Variants in NRXN3 observed in about 807,000 individuals in gnomAD.
NRXN3 encodes neurexin III.
NRXN3 carries 32 observed loss-of-function variants against 137.6 expected under a neutral mutation model. The ratio of observed to expected loss-of-function variants is 0.23; its 90% CI spans 0.18 to 0.31. NRXN3 has a LOEUF of 0.31. Among genes scored for constraint, NRXN3 ranks in the 10% least tolerant of loss-of-function variants. The probability of loss-of-function intolerance (pLI) is 1.00; values close to 1 mark genes in which losing one functional copy is unlikely to be tolerated. For synonymous variants in NRXN3, 798 were observed against 784.5 expected, an observed-to-expected ratio of 1.02 and a Z score of -0.29; for missense variants, 1,574 against 2,062.5, an observed-to-expected ratio of 0.76 and a Z score of 4.59.
At chr14:78,950,745 C>G (rs1410090282) in intron 10 of NRXN3, among the ~76,000 whole-genome samples, 1 of 152,012 alleles carries the variant, frequency 6.6e-6, no homozygotes, top group Non-Finnish European at 1.5e-5. Context: ...ATAGTTGTGG[C>G]CTGAGGTATA....
intron 19 of NRXN3, among the ~76,000 whole-genome samples, chr14:79,705,889 G>A (rs905075613): frequency 1.3e-5 from 2 of 152,138 alleles, no homozygotes; most frequent in African/African-American, 4.8e-5. Flanking sequence ...GTTCTAGGAT[G>A]GCAAGATCTT....
intron 4 of NRXN3, among the ~76,000 whole-genome samples, chr14:78,625,198 T>C (rs2097445947): frequency 6.6e-6 from 1 of 152,218 alleles, no homozygotes; most frequent in Non-Finnish European, 1.5e-5. Flanking sequence ...AGTTTCCTTC[T>C]AGTTATGAAG....
intron 15 of NRXN3, among the ~76,000 whole-genome samples, chr14:79,277,125 G>A (rs2153435068): frequency 6.6e-6 from 1 of 152,306 alleles, no homozygotes; most frequent in Admixed American, 6.5e-5. Context: ...GAGGACCAGA[G>A]AGGGTCTCTG....
rs575450442 is a variant in NRXN3, at chr14:78,216,921, G to A, written c.-703-25470G>A. Among the ~76,000 whole-genome samples the A allele has an allele frequency of 1.4e-4, 22 of 152,222 alleles. No homozygotes were observed. In the South Asian group the frequency reaches 4.4e-3, roughly 30 times the overall value. ...ACATGGTTGTCTTCCCTGTGTCTCTGTGTCCACATCTCTCTATCCCTCTAA... is the reference window on the plus strand; with the variant it reads ...ACATGGTTGTCTTCCCTGTGTCTCTATGTCCACATCTCTCTATCCCTCTAA... On this transcript the variant is annotated intron_variant, in intron 1 of 20. Transcript: ENST00000335750.
chr14:79,157,984 G>C (rs2060409992), intron 15 of NRXN3, among the ~76,000 whole-genome samples: 1 of 151,676 alleles, frequency 6.6e-6, no homozygotes, highest in Admixed American at 6.6e-5. Flanking sequence ...GGATGAGAAG[G>C]GGATTGTGAT....
At chr14:79,149,326 A>ATT (rs556091046) in intron 15 of NRXN3, among the ~76,000 whole-genome samples, 29 of 144,294 alleles carry the variant, frequency 2.0e-4, no homozygotes, top group African/African-American at 7.0e-4. Context: ...GGATAGGGGG[A>ATT]TTTTTTTTTT....
In NRXN3 at chr14:79,740,712, T is replaced by TTATATA. The variant is rs869216055; in HGVS notation, c.4014+42826_4014+42831dup. Among the ~76,000 whole-genome samples the TTATATA allele has an allele frequency of 7.2e-3, 114 of 15,920 alleles. 2 individuals are homozygous for TTATATA. Among genetic ancestry groups the TTATATA allele is most frequent in the South Asian group, 0.016 (9 of 580 alleles). 10.4% of individuals were successfully genotyped at this position (15,920 alleles called of 152,430 possible). A position where few individuals can be genotyped will look rare whatever the true frequency, so the allele number is the denominator to read the frequency against. On this transcript the variant is annotated intron_variant, in intron 19 of 20. Coordinates refer to ENST00000335750, the MANE Select transcript of NRXN3 (RefSeq NM_001330195.2). ...TCCACTGGACTTTGCATTTAGTTTT[T>TTATATA]TATATATATATATATATATATATAT... is the stretch of plus-strand genomic sequence containing the variant.
At chr14:79,359,648 GCA>G (rs2093616119) in intron 15 of NRXN3, among the ~76,000 whole-genome samples, 1 of 148,440 alleles carries the variant, frequency 6.7e-6, no homozygotes, top group Admixed American at 6.8e-5. Flanking sequence ...TTGGCTCACT[GCA>G]ACCTCTTCCT....
chr14:79,653,091 A>C (rs1054069138), intron 16 of NRXN3, among the ~76,000 whole-genome samples: 3 of 151,962 alleles, frequency 2.0e-5, no homozygotes, highest in African/African-American at 7.3e-5. Context: ...GGCACTGCTG[A>C]TATATTACAG....
rs139163557 is a variant in NRXN3 at position 78,992,426 on chromosome 14, G to A, written c.3262+4285G>A. Among the ~76,000 whole-genome samples, 620 of 152,230 alleles carry A rather than the reference G, an allele frequency of 4.1e-3. 3 individuals are homozygous for A. The highest frequency in any genetic ancestry group is 5.9e-3 in the Non-Finnish European group (400 of 68,010). On this transcript the variant is annotated intron_variant, in intron 15 of 20. Coordinates refer to ENST00000335750, the MANE Select transcript of NRXN3 (RefSeq NM_001330195.2). ...AACAAAAGAAATGGAACCTTACAAA[G>A]GTTCTTGATAGGCATATTCTTTTTT...
chr14:78,285,041 C>T (rs1237802219), intron 3 of NRXN3, among the ~76,000 whole-genome samples: 4 of 152,152 alleles, frequency 2.6e-5, no homozygotes, highest in Non-Finnish European at 5.9e-5. Flanking sequence ...AGGAGGTGTA[C>T]GCCCTTGGGC....
At chr14:79,739,298 C>A (rs534488873) in intron 19 of NRXN3, among the ~76,000 whole-genome samples, 31 of 152,078 alleles carry the variant, frequency 2.0e-4, no homozygotes, top group African/African-American at 7.2e-4. Flanking sequence ...AATTTGGGGA[C>A]CTGAGAAAGT....
intron 16 of NRXN3, among the ~76,000 whole-genome samples, chr14:79,659,696 G>A (rs1262156528): frequency 1.3e-5 from 2 of 151,054 alleles, no homozygotes; most frequent in Non-Finnish European, 3.0e-5. Flanking sequence ...CTCACAGCAA[G>A]CTTCAGAGGT....
At chr14:79,527,921 GAGT>G (rs2153713094) in intron 16 of NRXN3, among the ~76,000 whole-genome samples, 1 of 151,562 alleles carries the variant, frequency 6.6e-6, no homozygotes, top group African/African-American at 2.4e-5. Context: ...GTAGTAGCAG[GAGT>G]AGTAGTAGTA....
intron 15 of NRXN3, among the ~76,000 whole-genome samples, chr14:79,150,590 T>C (rs562613806): frequency 5.7e-4 from 86 of 152,040 alleles, no homozygotes; most frequent in African/African-American, 1.8e-3. Flanking sequence ...CTTCCATGCA[T>C]GGTTGCCATC....
intron 15 of NRXN3, among the ~76,000 whole-genome samples, chr14:79,398,010 A>G (rs1294986308): frequency 6.6e-6 from 1 of 152,240 alleles, no homozygotes; most frequent in Non-Finnish European, 1.5e-5. Context: ...CCCTGAGATC[A>G]TCTATAACAC....
rs75172875 is a variant in NRXN3, at chr14:79,246,147, T to A, written c.3263-221074T>A. 1.1e-3 allele frequency among the ~76,000 whole-genome samples: 166 copies of A among 152,320 alleles called. 2 individuals carry two copies. In the East Asian group the frequency reaches 0.028, roughly 26 times the overall value. On this transcript the variant is annotated intron_variant, in intron 15 of 20. Transcript: ENST00000335750. ...TTGGAATTGACACTGTAAGGGACACTTTTCACAAAGTAGCATATTCCCATG... is the reference window on the plus strand; with the variant it reads ...TTGGAATTGACACTGTAAGGGACACATTTCACAAAGTAGCATATTCCCATG...
chr14:78,500,089 TG>T (rs1455752033), intron 4 of NRXN3, among the ~76,000 whole-genome samples: 9 of 152,098 alleles, frequency 5.9e-5, no homozygotes, highest in Non-Finnish European at 1.3e-4. Flanking sequence ...GCCTGACCTG[TG>T]GGTTGTCTTT....
intron 14 of NRXN3, among the ~76,000 whole-genome samples, chr14:78,969,190 A>G (rs1424683079): frequency 6.8e-6 from 1 of 147,170 alleles, no homozygotes; most frequent in East Asian, 1.9e-4. Flanking sequence ...CCCATGCAGC[A>G]CAACAAACCA....
Sources: gnomAD v4.1 joint callset for allele counts (sites outside exome capture counted in the v4.1 genomes callset) on GRCh38, gnomAD v4.1.1 for gene constraint, MANE v1.5 for transcripts, NCBI Gene and HGNC (gene_info 2026-07-23, HGNC 2026-07-21) for gene names.